NEBL: variants seen among roughly 807,000 people sequenced by gnomAD.
NEBL encodes the protein LIM and SH3 protein 2.
A neutral mutation model predicts 140.2 loss-of-function variants in NEBL; 122 were observed. The ratio of observed to expected loss-of-function variants is 0.87; its 90% CI spans 0.75 to 1.01. The LOEUF (loss-of-function observed/expected upper bound fraction) is 1.01, where lower values mean the gene tolerates loss of function less well. Among genes scored for constraint, NEBL ranks in the 50% least tolerant of loss-of-function variants. The pLI is 0.00. For missense variants in NEBL, 1,365 were observed against 1,231.3 expected, an observed-to-expected ratio of 1.11 and a Z score of -1.62; for synonymous variants, 436 against 398.9, an observed-to-expected ratio of 1.09 and a Z score of -1.11.
chr10:20,902,583 C>G (rs796267693), intron 4 of NEBL, among the ~76,000 whole-genome samples: 29 of 152,022 alleles, frequency 1.9e-4, no homozygotes, highest in African/African-American at 6.5e-4. Flanking sequence ...GTGGGGAAGC[C>G]CAAATTAAAA....
At chr10:20,999,157 G>T (rs1430332149) in intron 3 of NEBL, among the ~76,000 whole-genome samples, 2 of 137,494 alleles carry the variant, frequency 1.5e-5, no homozygotes, top group Non-Finnish European at 3.0e-5. Context: ...AGAGGTGTGT[G>T]GGGGGAAAAA....
intron 2 of NEBL, among the ~76,000 whole-genome samples, chr10:21,023,878 C>T (rs12268405): frequency 0.027 from 4,151 of 152,056 alleles, 190 homozygotes; most frequent in African/African-American, 0.096. Context: ...TAGTAATGAA[C>T]TTCACTTGCT....
chr10:21,275,962 C>A (rs1475636675), intron 1 of NEBL, among the ~76,000 whole-genome samples: 4 of 146,976 alleles, frequency 2.7e-5, no homozygotes, highest in Non-Finnish European at 4.5e-5. Flanking sequence ...CCACAGCCAG[C>A]CCTTTCTTTT....
At position 20,886,838 on chromosome 10, in the gene NEBL, AAAATGTG is replaced by A. The variant is rs537536043; in HGVS notation, c.369+1252_369+1258del. On this transcript the variant is annotated intron_variant, in intron 4 of 27. Coordinates refer to ENST00000377122, the MANE Select transcript of NEBL (RefSeq NM_006393.3). ...TCTGTGTGTTTACTATTATTAACCT[AAAATGTG>A]AAATGAAGAATACAAACTATGTAAA... 2.4e-4 allele frequency among the ~76,000 whole-genome samples: 37 copies of A among 152,348 alleles called. No individual in the cohort carries two copies. In the East Asian group the frequency reaches 6.8e-3, roughly 28 times the overall value.
chr10:20,792,657 G>A (rs1836112418), intron 26 of NEBL, among the ~76,000 whole-genome samples: 1 of 152,082 alleles, frequency 6.6e-6, no homozygotes, highest in Non-Finnish European at 1.5e-5. Flanking sequence ...CAAATTAGCT[G>A]GGCTTGGTGG....
intron 2 of NEBL, among the ~76,000 whole-genome samples, chr10:21,123,007 G>A (rs962002477): frequency 2.6e-5 from 4 of 152,072 alleles, no homozygotes; most frequent in African/African-American, 9.7e-5. Context: ...CATTTTGGCT[G>A]GTTCTAATAA....
At chr10:21,249,583 T>G (rs1223427451) in intron 2 of NEBL, among the ~76,000 whole-genome samples, 2 of 150,734 alleles carry the variant, frequency 1.3e-5, no homozygotes, top group Admixed American at 6.6e-5. Context: ...TATTTAAATA[T>G]TTTATTTAAA....
At chr10:20,831,370 A>G (rs531064972) in intron 15 of NEBL, 64 bp from the exon 16 acceptor site, 8 of 1,512,060 alleles carry the variant, frequency 5.3e-6, no homozygotes, top group Non-Finnish European at 7.3e-6. Flanking sequence ...TGAAATTTAC[A>G]TGTTTGAATC....
chr10:20,843,213 G>A (rs2130990183), intron 12 of NEBL, among the ~76,000 whole-genome samples: 3 of 152,118 alleles, frequency 2.0e-5, no homozygotes, highest in Admixed American at 2.0e-4. Flanking sequence ...ACAGTACAAA[G>A]GTGTCTGCAA....
chr10:21,193,029 T>C (rs970400175), intron 3 of NEBL, among the ~76,000 whole-genome samples: 2 of 152,062 alleles, frequency 1.3e-5, no homozygotes, highest in Non-Finnish European at 2.9e-5. Flanking sequence ...TGTTCAGCGA[T>C]AAGAAGTTTG....
chr10:20,993,733 T>C (rs1442057787), intron 3 of NEBL, among the ~76,000 whole-genome samples: 1 of 152,072 alleles, frequency 6.6e-6, no homozygotes. Context: ...CCTTCTCTAA[T>C]AGAAGATCTA....
chr10:20,804,164 T>A (rs1311169690), intron 26 of NEBL: 1 of 152,048 alleles, frequency 6.6e-6, no homozygotes, highest in Non-Finnish European at 1.5e-5. Flanking sequence ...AATCAATATA[T>A]AATATCTGAA....
At chr10:20,972,573 T>C (rs1836623155) in intron 3 of NEBL, among the ~76,000 whole-genome samples, 1 of 151,910 alleles carries the variant, frequency 6.6e-6, no homozygotes, top group African/African-American at 2.4e-5. Flanking sequence ...TGAAACCCTG[T>C]CTCTACTAAA....
chr10:21,172,163 C>T (rs957184302), intron 2 of NEBL: 1 of 570,416 alleles, frequency 1.8e-6, no homozygotes, highest in Non-Finnish European at 3.1e-6. Flanking sequence ...AAAAACTAAC[C>T]TGATTGAAGA....
intron 7 of NEBL, among the ~76,000 whole-genome samples, chr10:20,864,218 C>T (rs553129690): frequency 1.3e-5 from 2 of 152,212 alleles, no homozygotes; most frequent in East Asian, 3.9e-4. Flanking sequence ...ATAAACTACT[C>T]TTAGAATTTT....
At chr10:21,082,560 A>AAAAAAAAAAAT in intron 2 of NEBL, among the ~76,000 whole-genome samples, 1 of 114,598 alleles carries the variant, frequency 8.7e-6, no homozygotes, top group African/African-American at 2.9e-5. Context: ...AAAAAAAAAA[A>AAAAAAAAAAAT]AAAAATTAAG....
In NEBL at chr10:20,958,211, T is replaced by C. The variant is rs77854178; in HGVS notation, c.357+3461A>G. On this transcript the variant is annotated intron_variant, in intron 4 of 6. Transcript: ENST00000417816. ...CTTGGGCACAGTATTCCTCAATTCA[T>C]ATTTGGACACTGTCCCTTAAGAATA... is the stretch of plus-strand genomic sequence containing the variant. Among the ~76,000 whole-genome samples the C allele has an allele frequency of 1.4e-4, 22 of 152,332 alleles. 1 individual carries two copies. The East Asian group carries it at 4.2e-3, about 29-fold the overall frequency.
intron 4 of NEBL, among the ~76,000 whole-genome samples, chr10:20,921,551 C>T (rs910538185): frequency 6.6e-6 from 1 of 152,222 alleles, no homozygotes; most frequent in East Asian, 1.9e-4. Flanking sequence ...TCCCCTCCCA[C>T]AATTCCAGTT....
At chr10:21,029,497 C>T in intron 2 of NEBL, 2 of 1,611,034 alleles carry the variant, frequency 1.2e-6, no homozygotes, top group Non-Finnish European at 1.7e-6. Context: ...CAGGAGAATT[C>T]GAGTGGACGT....
Sources: gnomAD v4.1 joint callset for allele counts (sites outside exome capture counted in the v4.1 genomes callset) on GRCh38, gnomAD v4.1.1 for gene constraint, MANE v1.5 for transcripts, NCBI Gene and HGNC (gene_info 2026-07-23, HGNC 2026-07-21) for gene names.